RETSAT: variants seen among roughly 807,000 people sequenced by gnomAD.
RETSAT encodes all-trans-retinol 13,14-reductase.
RETSAT carries 35 observed loss-of-function variants against 61.6 expected under a neutral mutation model. That is an observed-to-expected ratio of 0.57 (90% CI 0.43 to 0.75). The LOEUF is 0.75. Among genes scored for constraint, RETSAT ranks in the 30% least tolerant of loss-of-function variants. The probability of loss-of-function intolerance (pLI) is 0.00; values close to 1 mark genes in which losing one functional copy is unlikely to be tolerated. For missense variants in RETSAT, 670 were observed against 759.5 expected (o/e 0.88, Z 1.38); for synonymous variants, 277 against 310.4 (o/e 0.89, Z 1.13).
chr2:85,343,574 C>T, intron 10 of RETSAT, 65 bp downstream of exon 10: 2 of 1,595,176 alleles, frequency 1.3e-6, no homozygotes, highest in Admixed American at 1.7e-5. Flanking sequence ...AGGGCAGGAA[C>T]AGAGGACGTT....
rs769231446 is a variant in RETSAT, at chr2:85,351,047, A to G, written c.356-26T>C. 31 of 1,613,370 alleles carry G rather than the reference A, an allele frequency of 1.9e-5. 1 individual carries two copies. In the African/African-American group the frequency reaches 4.0e-4, roughly 21 times the overall value. Reference sequence around the variant, plus strand: ...CTGTTGGGAGATGGAAAAACAAGGTAGTAAAGGGATATGGGGATTGAGCCC... The same window carrying G: ...CTGTTGGGAGATGGAAAAACAAGGTGGTAAAGGGATATGGGGATTGAGCCC... On this transcript the variant is annotated intron_variant, in intron 2 of 10. Coordinates refer to ENST00000295802, the MANE Select transcript of RETSAT (RefSeq NM_017750.4).
At chr2:85,345,700 C>T (rs1179165249) in intron 6 of RETSAT, 11 of 532,650 alleles carry the variant, frequency 2.1e-5, no homozygotes, top group Non-Finnish European at 3.5e-5. Flanking sequence ...GTGGGAGGAG[C>T]GGAGCTTTCA....
At position 85,343,325 on chromosome 2, in the gene RETSAT, T is replaced by C; in HGVS notation, c.1750A>G (p.Ser584Gly). Reference protein sequence around the residue: ...VGALQGALLCSSAILKRNLYS... With the variant: ...VGALQGALLCGSAILKRNLYS... ...AAGTTCCGCTTCAGGATGGCGCTGC[T>C]GCACAGCAGGGCACCTTGCAGGGCC... The change falls in exon 11 of 11, where the codon AGC becomes GGC. Residue 584 changes from serine (S) to glycine (G), a missense_variant. Transcript: ENST00000295802. The C allele has an allele frequency of 1.2e-6, 2 of 1,614,290 alleles. No individual in the cohort carries two copies. Among genetic ancestry groups the C allele is most frequent in the Non-Finnish European group, 1.7e-6 (2 of 1,180,044 alleles).
rs950361 is a variant in RETSAT at position 85,350,246 on chromosome 2, G to A, written c.598-5C>T. The A allele has an allele frequency of 8.7e-3, 14,084 of 1,611,564 alleles. 539 individuals carry two copies. In the African/African-American group the frequency reaches 0.1, roughly 12 times the overall value. ...AGGGGCTCCACTGGATACCACCTGG[G>A]GGAGTGAATGAGGACAGCAGGCCTC... On this transcript the variant is annotated splice_region_variant and splice_polypyrimidine_tract_variant and intron_variant, in intron 3 of 10. Coordinates refer to ENST00000295802, the MANE Select transcript of RETSAT (RefSeq NM_017750.4).
intron 2 of RETSAT, chr2:85,351,395 C>A: frequency 2.3e-6 from 1 of 441,318 alleles, no homozygotes; most frequent in Non-Finnish European, 4.1e-6. Flanking sequence ...GGTGTGGTGG[C>A]CCACTTGGTG....
intron 7 of RETSAT, 78 bp from the exon 8 acceptor site, chr2:85,344,426 C>T: frequency 6.5e-7 from 1 of 1,542,408 alleles, no homozygotes; most frequent in Non-Finnish European, 8.9e-7. Flanking sequence ...GACTGCTTAT[C>T]CCTAGGGACT....
chr2:85,344,085 C>T lies in RETSAT; in HGVS notation c.1447G>A (p.Gly483Ser). The change falls in exon 9 of 11, where the codon GGC becomes AGC. Residue 483 changes from glycine to serine, a missense_variant. Physicochemically the swap from Gly to Ser is moderately conservative, Grantham distance 56. Coordinates refer to ENST00000295802, the MANE Select transcript of RETSAT (RefSeq NM_017750.4). ...TTTTTGAAGGTCTCATAGTCACTGC[C>T]CCGCTTTCCCTTCAGCTCCGCCTGC... ...EWQAELKGKR[G>S]SDYETFKNSF... 3 of 1,614,096 alleles carry T rather than the reference C, an allele frequency of 1.9e-6. No homozygotes were observed. Among genetic ancestry groups the T allele is most frequent in the Non-Finnish European group, 2.5e-6 (3 of 1,179,992 alleles).
intron 1 of RETSAT, among the ~76,000 whole-genome samples, chr2:85,352,368 C>T (rs1383095297): frequency 1.3e-5 from 2 of 152,082 alleles, no homozygotes; most frequent in East Asian, 3.9e-4. Context: ...TTCAGCCTCC[C>T]GAGTAGCTGG....
At chr2:85,346,419 T>C (rs1276985348) in intron 5 of RETSAT, among the ~76,000 whole-genome samples, 1 of 152,176 alleles carries the variant, frequency 6.6e-6, no homozygotes, top group African/African-American at 2.4e-5. Context: ...ATCCAGGCCC[T>C]TTTCTCTGCT....
At chr2:85,346,767 T>C (rs1377441172) in intron 5 of RETSAT, among the ~76,000 whole-genome samples, 1 of 152,004 alleles carries the variant, frequency 6.6e-6, no homozygotes, top group African/African-American at 2.4e-5. Flanking sequence ...AAAAAATGAA[T>C]GAATGAATGA....
At chr2:85,349,268 C>T (rs1028873072) in intron 5 of RETSAT, 116 bp downstream of exon 5, 16 of 936,012 alleles carry the variant, frequency 1.7e-5, no homozygotes, top group Non-Finnish European at 2.5e-5. Flanking sequence ...CAGATTCTCA[C>T]CTTTAGCCTC....
chr2:85,349,509 T>C lies in RETSAT; in HGVS notation c.872A>G (p.Tyr291Cys). 1 of 1,614,106 alleles carries C rather than the reference T, an allele frequency of 6.2e-7. No individual in the cohort carries two copies. Among genetic ancestry groups the C allele is most frequent in the Middle Eastern group, 1.6e-4 (1 of 6,062 alleles). The change falls in exon 5 of 11, where the codon TAT (tyrosine) becomes TGT (cysteine). Residue 291 changes from tyrosine to cysteine, a missense_variant. Physicochemically the swap from Tyr to Cys is radical, Grantham distance 194 (BLOSUM62 -2). Transcript: ENST00000295802. Reference sequence around the variant, plus strand: ...AATTTCACTGGAACCCCCTCGGGGATAAAAGCCTCCTTTCATGTAGTGGTT... The same window carrying C: ...AATTTCACTGGAACCCCCTCGGGGACAAAAGCCTCCTTTCATGTAGTGGTT... ...LVNHYMKGGF[Y>C]PRGGSSEIAF...
chr2:85,354,427 G>A lies in RETSAT; in HGVS notation c.81C>T (p.Gly27=). ...CTTCGGAGAAAGGATTCGGGGAGCT[G>A]CCAGAGAATAGTCCCAAGTAAACTT... ...LCKVYLGLFS[G]SSPNPFSEDV... The change falls in exon 1 of 11, where the codon GGC becomes GGT. Residue 27 remains glycine (G), a synonymous_variant. Transcript: ENST00000295802. 1 of 1,614,218 alleles carries A rather than the reference G, an allele frequency of 6.2e-7. No individual in the cohort carries two copies. Among genetic ancestry groups the A allele is most frequent in the Non-Finnish European group, 8.5e-7 (1 of 1,180,028 alleles).
At position 85,346,552 on chromosome 2, in the gene RETSAT, G is replaced by A. The variant is rs192900280; in HGVS notation, c.998-458C>T. ...GAGGACTGATTGCTTGTGTACAGGA[G>A]TTCAAGACTAGCCTGGGCAACATAG... On this transcript the variant is annotated intron_variant, in intron 5 of 10. Coordinates refer to ENST00000295802, the MANE Select transcript of RETSAT (RefSeq NM_017750.4). Among the ~76,000 whole-genome samples the A allele has an allele frequency of 4.6e-5, 7 of 152,236 alleles. No individual in the cohort carries two copies. In the East Asian group the frequency reaches 1.4e-3, roughly 29 times the overall value.
At chr2:85,353,382 G>A (rs771337538) in intron 1 of RETSAT, among the ~76,000 whole-genome samples, 9 of 152,214 alleles carry the variant, frequency 5.9e-5, no homozygotes, top group African/African-American at 9.7e-5. Flanking sequence ...TGCGGTGAGC[G>A]GAGATCGCGC....
rs200252439 is a variant in RETSAT at position 85,344,122 on chromosome 2, C to T, written c.1410G>A (p.Trp470Ter). 6.2e-7 allele frequency: 1 copy of T among 1,614,166 alleles called. No individual in the cohort carries two copies. The highest frequency in any genetic ancestry group is 1.1e-5 in the South Asian group (1 of 91,084). ...MIMLIPTAYE[W>*]FEEWQAELKG... is the part of the protein sequence containing the mutation. ...TCAGCTCCGCCTGCCACTCCTCAAACCACTCGTAGGCAGTGGGTATGAGCA... is the reference window on the plus strand; with the variant it reads ...TCAGCTCCGCCTGCCACTCCTCAAATCACTCGTAGGCAGTGGGTATGAGCA... The change falls in exon 9 of 11, where the codon TGG becomes TGA. Residue 470 changes from tryptophan to a stop codon, truncating the protein, a stop_gained. Coordinates refer to ENST00000295802, the MANE Select transcript of RETSAT (RefSeq NM_017750.4). LOFTEE classifies it high-confidence loss of function.
chr2:85,354,046 T>G (rs1284901941), intron 1 of RETSAT, among the ~76,000 whole-genome samples: 1 of 152,178 alleles, frequency 6.6e-6, no homozygotes, highest in East Asian at 1.9e-4. Context: ...GATTATCAGT[T>G]CCACGAGCCA....
At position 85,344,284 on chromosome 2, in the gene RETSAT, C is replaced by G. The variant is rs753999640; in HGVS notation, c.1321G>C (p.Ala441Pro). ...AAEHIPLLFFAFPSAKDPTWE... is the reference protein window; with the variant it reads ...AAEHIPLLFFPFPSAKDPTWE... Reference sequence around the variant, plus strand: ...GTCGGATCTTTGGCTGATGGGAAAGCGAAGAAGAGAAGAGGGATGTGTTCC... The same window carrying G: ...GTCGGATCTTTGGCTGATGGGAAAGGGAAGAAGAGAAGAGGGATGTGTTCC... Residue 441 changes from alanine (A) to proline (P), a missense_variant, in exon 8 of 11, where the codon GCT becomes CCT. By Grantham distance (27) the Ala-to-Pro change is conservative (BLOSUM62 -1). Coordinates refer to ENST00000295802, the MANE Select transcript of RETSAT (RefSeq NM_017750.4). The G allele has an allele frequency of 2.5e-6, 4 of 1,614,090 alleles. No homozygotes were observed. In the East Asian group the frequency reaches 6.7e-5, roughly 27 times the overall value.
intron 2 of RETSAT, 167 bp downstream of exon 2, chr2:85,351,513 T>C: frequency 1.5e-6 from 1 of 671,820 alleles, no homozygotes; most frequent in East Asian, 2.8e-5. Flanking sequence ...CGCTCCAGCC[T>C]GGGTGATGAA....
Sources: gnomAD v4.1 joint callset for allele counts (sites outside exome capture counted in the v4.1 genomes callset) on GRCh38, gnomAD v4.1.1 for gene constraint, MANE v1.5 for transcripts, NCBI Gene and HGNC (gene_info 2026-07-23, HGNC 2026-07-21) for gene names.